Variants in DCLK2 observed in about 807,000 individuals in gnomAD.
DCLK2 encodes the protein doublecortin like kinase 2.
DCLK2 carries 31 observed loss-of-function variants against 78.4 expected under a neutral mutation model. The ratio of observed to expected loss-of-function variants is 0.40; its 90% CI spans 0.30 to 0.53. The LOEUF (loss-of-function observed/expected upper bound fraction) is 0.53. Ranked by LOEUF, DCLK2 falls within the 20% of genes least tolerant of loss-of-function variation. The pLI is 0.61. For synonymous variants in DCLK2, 407 were observed against 374.9 expected, an observed-to-expected ratio of 1.09 and a Z score of -0.99; for missense variants, 872 against 973.7, an observed-to-expected ratio of 0.90 and a Z score of 1.39.
intron 2 of DCLK2, among the ~76,000 whole-genome samples, chr4:150,134,150 G>A (rs1274517299): frequency 2.9e-5 from 4 of 138,264 alleles, no homozygotes; most frequent in Admixed American, 1.6e-4. Flanking sequence ...GCGCAATCTC[G>A]GGTCACTGCA....
At chr4:150,223,482 G>T (rs1043194327) in intron 7 of DCLK2, among the ~76,000 whole-genome samples, 1 of 152,164 alleles carries the variant, frequency 6.6e-6, no homozygotes, top group Non-Finnish European at 1.5e-5. Context: ...AGTGGCTCAC[G>T]CCTGTAATCC....
At chr4:150,132,356 G>T (rs1560798516) in intron 2 of DCLK2, among the ~76,000 whole-genome samples, 1 of 152,212 alleles carries the variant, frequency 6.6e-6, no homozygotes, top group Non-Finnish European at 1.5e-5. Flanking sequence ...GGGTAATGTG[G>T]ACTGTGAATC....
intron 5 of DCLK2, among the ~76,000 whole-genome samples, chr4:150,219,206 AT>A (rs1437760439): frequency 8.6e-5 from 12 of 138,828 alleles, no homozygotes; most frequent in Non-Finnish European, 1.6e-5. Context: ...CCTGTCTTTT[AT>A]TTAGCAAAAG....
intron 2 of DCLK2, among the ~76,000 whole-genome samples, chr4:150,103,836 T>C (rs1731048225): frequency 6.6e-6 from 1 of 151,854 alleles, no homozygotes. Flanking sequence ...ATGGTAAAAT[T>C]AGAATAACAT....
At chr4:150,134,076 C>CTTTTTTTTTTT (rs768954755) in intron 2 of DCLK2, among the ~76,000 whole-genome samples, 1 of 94,852 alleles carries the variant, frequency 1.1e-5, no homozygotes, top group Non-Finnish European at 2.0e-5. Flanking sequence ...CGTATAAACT[C>CTTTTTTTTTTT]TTTTTTTTTT....
intron 5 of DCLK2, among the ~76,000 whole-genome samples, chr4:150,210,913 A>C (rs1740250446): frequency 6.8e-6 from 1 of 146,540 alleles, no homozygotes; most frequent in African/African-American, 2.5e-5. Flanking sequence ...GCGCCATTGC[A>C]CTCCAGCCTG....
At chr4:150,118,789 G>A (rs1326755871) in intron 2 of DCLK2, among the ~76,000 whole-genome samples, 1 of 152,058 alleles carries the variant, frequency 6.6e-6, no homozygotes, top group Non-Finnish European at 1.5e-5. Context: ...GGCCAGGCTG[G>A]TCATGAACTC....
chr4:150,130,800 A>G (rs1733260102), intron 2 of DCLK2, among the ~76,000 whole-genome samples: 1 of 152,066 alleles, frequency 6.6e-6, no homozygotes, highest in Non-Finnish European at 1.5e-5. Flanking sequence ...CCAGACTGAA[A>G]GCAAGATCTC....
chr4:150,093,971 T>G (rs1730285628), intron 1 of DCLK2, among the ~76,000 whole-genome samples: 1 of 152,184 alleles, frequency 6.6e-6, no homozygotes, highest in African/African-American at 2.4e-5. Flanking sequence ...AAAGGACAGA[T>G]TCTTCAACAA....
intron 5 of DCLK2, among the ~76,000 whole-genome samples, chr4:150,210,111 G>C (rs1740177046): frequency 6.6e-6 from 1 of 152,112 alleles, no homozygotes. Context: ...TGAAGTCCAA[G>C]TGCCTGGGTT....
rs867384885 is a variant in DCLK2, at chr4:150,127,083, A to G, written c.756+24271A>G. ...TATTGTGCCTTTTCAGTGAATCATA[A>G]CAGAAGGTATATGATCTCAATATAT... On this transcript the variant is annotated intron_variant, in intron 2 of 15. Coordinates refer to ENST00000296550, the MANE Select transcript of DCLK2 (RefSeq NM_001040260.4). Among the ~76,000 whole-genome samples, 3 of 152,210 alleles carry G rather than the reference A, an allele frequency of 2.0e-5. No individual in the cohort carries two copies. The South Asian group carries it at 6.2e-4, about 32-fold the overall frequency.
chr4:150,114,411 T>G (rs780092500), intron 2 of DCLK2, among the ~76,000 whole-genome samples: 1 of 152,186 alleles, frequency 6.6e-6, no homozygotes, highest in Non-Finnish European at 1.5e-5. Context: ...AAGGTACTGT[T>G]GTTACTAGAT....
intron 2 of DCLK2, among the ~76,000 whole-genome samples, chr4:150,179,052 G>C (rs1011737394): frequency 6.6e-6 from 1 of 152,014 alleles, no homozygotes; most frequent in African/African-American, 2.4e-5. Context: ...TTTTGAGACA[G>C]AGTCTCACTC....
At chr4:150,089,606 C>A (rs1351740409) in intron 1 of DCLK2, among the ~76,000 whole-genome samples, 1 of 152,102 alleles carries the variant, frequency 6.6e-6, no homozygotes, top group African/African-American at 2.4e-5. Context: ...ATTGCAGAAG[C>A]CAAGTATTGC....
rs1168143839 is a variant in DCLK2, at chr4:150,078,734, C to T, written c.-294C>T. On this transcript the variant is annotated 5_prime_UTR_variant, in exon 1 of 16. Transcript: ENST00000296550. The stretch of plus-strand genomic sequence containing the variant: ...CCGAGCGGGACTTGTGAGGCGTGGC[C>T]GGGTGGAGGAGGCGCTTGCGGGGGC... The T allele has an allele frequency of 7.5e-6, 2 of 266,770 alleles. No individual in the cohort carries two copies. Among genetic ancestry groups the T allele is most frequent in the South Asian group, 1.6e-4 (1 of 6,300 alleles). The allele number at this position is 266,770 out of a possible 1,614,324, so 16.5% of individuals were successfully genotyped here.
chr4:150,256,267 A>G lies in DCLK2; in HGVS notation c.*20A>G. ...GACTGAGCCTCCTGCAGACGGGCGA[A>G]GCCGCCTGCTGCAGCCCAGGAAGCC... On this transcript the variant is annotated 3_prime_UTR_variant, in exon 16 of 16. Coordinates refer to ENST00000296550, the MANE Select transcript of DCLK2 (RefSeq NM_001040260.4). 2 of 1,477,804 alleles carry G rather than the reference A, an allele frequency of 1.4e-6. No homozygotes were observed. Among genetic ancestry groups the G allele is most frequent in the Non-Finnish European group, 1.8e-6 (2 of 1,116,922 alleles). 91.5% of individuals were successfully genotyped at this position (1,477,804 alleles called of 1,614,324 possible).
chr4:150,225,302 C>G (rs1343584738), intron 8 of DCLK2, among the ~76,000 whole-genome samples: 1 of 152,222 alleles, frequency 6.6e-6, no homozygotes, highest in Non-Finnish European at 1.5e-5. Flanking sequence ...AGCAGAAATG[C>G]TGTGAAGAAT....
intron 5 of DCLK2, among the ~76,000 whole-genome samples, chr4:150,208,265 TAAGTTTTGGTCATAA>T (rs928960891): frequency 3.3e-5 from 5 of 152,162 alleles, no homozygotes; most frequent in Non-Finnish European, 7.4e-5. Flanking sequence ...CCTAACAAAA[TAAGTTTTGGTCATAA>T]AAGTTTTGGT....
chr4:150,137,868 A>T (rs769713168), intron 2 of DCLK2, among the ~76,000 whole-genome samples: 3 of 152,248 alleles, frequency 2.0e-5, no homozygotes, highest in Admixed American at 2.0e-4. Flanking sequence ...ATCCCACTCC[A>T]TAACTAAGTA....
Sources: gnomAD v4.1 joint callset for allele counts (sites outside exome capture counted in the v4.1 genomes callset) on GRCh38, gnomAD v4.1.1 for gene constraint, MANE v1.5 for transcripts, NCBI Gene and HGNC (gene_info 2026-07-23, HGNC 2026-07-21) for gene names.